COMMD1: variants seen among roughly 807,000 people sequenced by gnomAD.
COMMD1 encodes the protein COMM domain-containing protein 1.
In COMMD1, 10 loss-of-function variants were observed where a neutral mutation model predicts 17.2. That is an observed-to-expected ratio of 0.58 (90% CI 0.36 to 0.99). COMMD1 has a LOEUF of 0.99. Among genes scored for constraint, COMMD1 ranks in the 50% least tolerant of loss-of-function variants. The pLI is 0.01. For missense variants in COMMD1, 270 were observed against 231.8 expected (o/e 1.17, Z -1.07); for synonymous variants, 97 against 91.6 (o/e 1.06, Z -0.34).
chr2:62,024,362 G>A (rs1472851581), intron 2 of COMMD1, among the ~76,000 whole-genome samples: 5 of 152,036 alleles, frequency 3.3e-5, no homozygotes, highest in East Asian at 1.9e-4. Flanking sequence ...GACTACAGGC[G>A]CGCACCACCA....
In COMMD1 at chr2:62,037,319, C is replaced by T. The variant is rs542859538; in HGVS notation, c.462+36337C>T. On this transcript the variant is annotated intron_variant, in intron 2 of 2. Transcript: ENST00000311832. ...CAAATAGCTTAGGTAGAATTATAAA[C>T]GAGATGGTAATATTGCCAAATAAAT... is the stretch of plus-strand genomic sequence containing the variant. 2.8e-4 allele frequency among the ~76,000 whole-genome samples: 43 copies of T among 152,264 alleles called. 1 individual carries two copies. The highest frequency in any genetic ancestry group is 9.9e-4 in the African/African-American group (41 of 41,544).
At chr2:62,064,522 CAT>C (rs1274300433) in intron 2 of COMMD1, among the ~76,000 whole-genome samples, 3 of 152,114 alleles carry the variant, frequency 2.0e-5, no homozygotes, top group African/African-American at 7.2e-5. Context: ...ATTGAGAGCT[CAT>C]GTGATCTCTT....
At chr2:62,090,306 T>C (rs1216207770) in intron 2 of COMMD1, among the ~76,000 whole-genome samples, 1 of 152,198 alleles carries the variant, frequency 6.6e-6, no homozygotes, top group South Asian at 2.1e-4. Context: ...AAAAAACCAC[T>C]GCATGCTTTA....
chr2:62,062,968 T>C (rs558017787), intron 2 of COMMD1, among the ~76,000 whole-genome samples: 1 of 151,706 alleles, frequency 6.6e-6, no homozygotes, highest in South Asian at 2.1e-4. Context: ...CCTGTAATCC[T>C]AGCACTTTGG....
chr2:62,028,608 A>C (rs4671415), intron 2 of COMMD1, among the ~76,000 whole-genome samples: 25,490 of 152,200 alleles, frequency 0.17, 2,691 homozygotes, highest in Middle Eastern at 0.31. Flanking sequence ...TAAAATAATG[A>C]TGCCAATAAA....
At chr2:62,049,426 G>T (rs1021433806) in intron 2 of COMMD1, among the ~76,000 whole-genome samples, 1 of 151,920 alleles carries the variant, frequency 6.6e-6, no homozygotes, top group African/African-American at 2.4e-5. Flanking sequence ...TTGTCCCCCA[G>T]GGGACATTTG....
intron 2 of COMMD1, among the ~76,000 whole-genome samples, chr2:62,008,812 C>T (rs529955042): frequency 6.6e-5 from 10 of 151,476 alleles, no homozygotes; most frequent in South Asian, 4.2e-4. Flanking sequence ...ACAGAGTCTC[C>T]CTCTGTTGCC....
chr2:61,931,924 A>G lies in COMMD1; in HGVS notation c.180+26066A>G, dbSNP rs968074681. 4.6e-5 allele frequency among the ~76,000 whole-genome samples: 7 copies of G among 152,320 alleles called. No homozygotes were observed. The South Asian group carries it at 1.5e-3, about 32-fold the overall frequency. On this transcript the variant is annotated intron_variant, in intron 1 of 2. Transcript: ENST00000311832. ...AAGATACGTACCAAAGGAACTTTGC[A>G]TTTGAGGATGGTAGTTGCAGGATTT...
intron 1 of COMMD1, among the ~76,000 whole-genome samples, chr2:61,898,231 T>C (rs963646084): frequency 6.6e-6 from 1 of 152,078 alleles, no homozygotes; most frequent in Non-Finnish European, 1.5e-5. Context: ...ATCACAGCAG[T>C]TTGGGAGGTC....
At chr2:61,904,817 G>A (rs1031160682), upstream of COMMD1, among the ~76,000 whole-genome samples, 1 of 152,148 alleles carries the variant, frequency 6.6e-6, no homozygotes, top group Admixed American at 6.6e-5. Context: ...AAGAAACTCT[G>A]TACCTATAAA....
At chr2:62,054,595 A>C (rs914346469) in intron 2 of COMMD1, among the ~76,000 whole-genome samples, 1 of 152,248 alleles carries the variant, frequency 6.6e-6, no homozygotes, top group Non-Finnish European at 1.5e-5. Context: ...AAGTGAAACA[A>C]GCCAGGCACA....
intron 2 of COMMD1, among the ~76,000 whole-genome samples, chr2:62,092,933 T>C (rs963996341): frequency 6.6e-6 from 1 of 152,200 alleles, no homozygotes; most frequent in Non-Finnish European, 1.5e-5. Context: ...CTAATTGAGT[T>C]TTTATTGTGC....
chr2:61,951,032 G>T (rs1246147220), intron 1 of COMMD1, among the ~76,000 whole-genome samples: 3 of 151,716 alleles, frequency 2.0e-5, no homozygotes, highest in Non-Finnish European at 4.4e-5. Context: ...GGTGTAGATG[G>T]TTCTGTTGGC....
chr2:62,051,873 C>T (rs17018107), intron 2 of COMMD1, among the ~76,000 whole-genome samples: 4,350 of 152,282 alleles, frequency 0.029, 270 homozygotes, highest in East Asian at 0.2. Context: ...TATTAGCATT[C>T]GGTGACTATG....
chr2:61,931,653 G>A (rs1572974552), intron 1 of COMMD1, among the ~76,000 whole-genome samples: 1 of 152,204 alleles, frequency 6.6e-6, no homozygotes, highest in East Asian at 1.9e-4. Context: ...GGCAACAGCA[G>A]GTGCTATATT....
intron 2 of COMMD1, among the ~76,000 whole-genome samples, chr2:62,119,238 A>T (rs62149950): frequency 0.12 from 18,524 of 152,146 alleles, 1,449 homozygotes; most frequent in Non-Finnish European, 0.18. Context: ...GAGAAACCAC[A>T]CCTGCTGACA....
chr2:62,082,053 T>C (rs193204384), intron 2 of COMMD1, among the ~76,000 whole-genome samples: 19 of 152,346 alleles, frequency 1.2e-4, no homozygotes, highest in Admixed American at 9.8e-4. Context: ...ACATTTATCG[T>C]TGGACCACAG....
At chr2:62,050,032 A>C (rs1573116949) in intron 2 of COMMD1, among the ~76,000 whole-genome samples, 1 of 152,214 alleles carries the variant, frequency 6.6e-6, no homozygotes, top group Non-Finnish European at 1.5e-5. Flanking sequence ...CAAGATAGGT[A>C]TTTCTGGATG....
chr2:62,013,270 A>AG (rs1443325256), intron 2 of COMMD1, among the ~76,000 whole-genome samples: 1 of 151,966 alleles, frequency 6.6e-6, no homozygotes, highest in Non-Finnish European at 1.5e-5. Flanking sequence ...GAAAAAAAAA[A>AG]TACAAAACAA....
Sources: gnomAD v4.1 joint callset for allele counts (sites outside exome capture counted in the v4.1 genomes callset) on GRCh38, gnomAD v4.1.1 for gene constraint, MANE v1.5 for transcripts, NCBI Gene and HGNC (gene_info 2026-07-23, HGNC 2026-07-21) for gene names.